Variants in NDC1 observed in about 807,000 individuals in gnomAD.
NDC1 encodes nucleoporin NDC1.
Under a neutral mutation model 89.8 loss-of-function variants are expected in NDC1, and 24 were observed. The observed-to-expected ratio is 0.27, with a 90% CI of 0.19 to 0.38. The LOEUF is 0.38. Among genes scored for constraint, NDC1 ranks in the 10% least tolerant of loss-of-function variants. The pLI is 1.00. For missense variants in NDC1, 728 were observed against 797.6 expected (o/e 0.91, Z 1.05); for synonymous variants, 296 against 284.8 (o/e 1.04, Z -0.39).
chr1:53,808,396 T>C (rs751773668), intron 7 of NDC1, among the ~76,000 whole-genome samples: 2 of 145,406 alleles, frequency 1.4e-5, no homozygotes, highest in Non-Finnish European at 2.9e-5. Context: ...TTTCTAAGTG[T>C]TGTGATTAGG....
At chr1:53,820,848 C>A (rs917244620) in intron 5 of NDC1, among the ~76,000 whole-genome samples, 2 of 151,224 alleles carry the variant, frequency 1.3e-5, no homozygotes, top group Non-Finnish European at 2.9e-5. Context: ...GTAGCTAGGA[C>A]TATAGGCACG....
At position 53,807,904 on chromosome 1, in the gene NDC1, A is replaced by G. The variant is rs571547248; in HGVS notation, c.756-113T>C. 285 of 950,762 alleles carry G rather than the reference A, an allele frequency of 3.0e-4. 6 individuals carry two copies. In the South Asian group the frequency reaches 4.7e-3, roughly 16 times the overall value. The allele number at this position is 950,762 out of a possible 1,614,324, so 58.9% of individuals were successfully genotyped here. On this transcript the variant is annotated intron_variant, in intron 7 of 17. Coordinates refer to ENST00000371429, the MANE Select transcript of NDC1 (RefSeq NM_018087.5). ...ATTATGTCTAAATAACAATGTTGAC[A>G]GACTCCTCTCCTTCGATATCTTTAT... is the stretch of plus-strand genomic sequence containing the variant.
chr1:53,784,495 A>G (rs904666963), intron 16 of NDC1, among the ~76,000 whole-genome samples: 1 of 151,940 alleles, frequency 6.6e-6, no homozygotes, highest in African/African-American at 2.4e-5. Flanking sequence ...CATCTCTACT[A>G]AAAATACACA....
chr1:53,776,705 A>C lies in NDC1; in HGVS notation c.1801-4216T>G, dbSNP rs145660776. ...TATTGGCAATTTTCTTCCCTTTACC[A>C]TGTGGACAGAAAATTTAAAAATTAT... On this transcript the variant is annotated intron_variant, in intron 16 of 17. Coordinates refer to ENST00000371429, the MANE Select transcript of NDC1 (RefSeq NM_018087.5). Among the ~76,000 whole-genome samples the C allele has an allele frequency of 4.9e-3, 749 of 152,266 alleles. 6 individuals are homozygous for C. The highest frequency in any genetic ancestry group is 8.7e-3 in the Non-Finnish European group (590 of 68,022).
intron 3 of NDC1, among the ~76,000 whole-genome samples, chr1:53,829,869 C>T (rs527960104): frequency 1.3e-5 from 2 of 152,278 alleles, no homozygotes; most frequent in African/African-American, 4.8e-5. Flanking sequence ...ATTAAGAAAG[C>T]AGGCTGAGTG....
chr1:53,811,625 A>G (rs1447531721), intron 6 of NDC1, among the ~76,000 whole-genome samples: 1 of 152,038 alleles, frequency 6.6e-6, no homozygotes, highest in Non-Finnish European at 1.5e-5. Flanking sequence ...CTGACCCAGG[A>G]GAGTCTGAGC....
At chr1:53,805,639 G>A (rs569308692) in intron 9 of NDC1, among the ~76,000 whole-genome samples, 41 of 152,238 alleles carry the variant, frequency 2.7e-4, no homozygotes, top group African/African-American at 9.6e-4. Flanking sequence ...ATTCTTGATT[G>A]TAATTAGTTT....
intron 5 of NDC1, among the ~76,000 whole-genome samples, chr1:53,822,411 T>C (rs1648703764): frequency 6.6e-6 from 1 of 152,126 alleles, no homozygotes; most frequent in South Asian, 2.1e-4. Flanking sequence ...AAACCACTTA[T>C]ATAAACCCCA....
At chr1:53,774,754 T>G (rs749098573) in intron 16 of NDC1, among the ~76,000 whole-genome samples, 49 of 152,108 alleles carry the variant, frequency 3.2e-4, no homozygotes, top group Non-Finnish European at 5.0e-4. Flanking sequence ...CTGGATGTGG[T>G]CCAATACCTG....
chr1:53,826,250 T>C (rs1223067736), intron 4 of NDC1, among the ~76,000 whole-genome samples: 4 of 152,234 alleles, frequency 2.6e-5, no homozygotes, highest in Non-Finnish European at 2.9e-5. Context: ...AAATAAGTTA[T>C]ATATACCTGA....
Position 53,832,536 on chromosome 1 carries a change from T to C in NDC1, c.234A>G (p.Ser78=). The change falls in exon 3 of 18, where the codon TCA becomes TCG. Residue 78 remains serine, a synonymous_variant. Transcript: ENST00000371429. Reference sequence around the variant, plus strand: ...AAATACTTATTATTATTATTACCACTGACAGCAGCAGGAAGTAAAAGATTA... The same window carrying C: ...AAATACTTATTATTATTATTACCACCGACAGCAGCAGGAAGTAAAAGATTA... ...SYVIFYFLLL[S]VVIIIISIFN... 1 of 1,603,342 alleles carries C rather than the reference T, an allele frequency of 6.2e-7. No individual in the cohort carries two copies. Among genetic ancestry groups the C allele is most frequent in the Non-Finnish European group, 8.5e-7 (1 of 1,170,354 alleles).
chr1:53,772,608 G>C (rs1647124861), intron 16 of NDC1, 119 bp from the exon 17 acceptor site: 1 of 795,020 alleles, frequency 1.3e-6, no homozygotes, highest in East Asian at 2.6e-5. Flanking sequence ...AGGACTGCTT[G>C]AGCCCAGGAG....
chr1:53,830,147 T>C (rs1389535131), intron 3 of NDC1, among the ~76,000 whole-genome samples: 1 of 149,582 alleles, frequency 6.7e-6, no homozygotes, highest in Non-Finnish European at 1.5e-5. Context: ...TGAGACTCCA[T>C]CTCAAAAAAA....
chr1:53,818,711 A>T (rs1557585643), intron 6 of NDC1, among the ~76,000 whole-genome samples: 1 of 152,204 alleles, frequency 6.6e-6, no homozygotes, highest in Non-Finnish European at 1.5e-5. Flanking sequence ...AATGTCCTCA[A>T]GGTTTATTCA....
intron 5 of NDC1, among the ~76,000 whole-genome samples, chr1:53,820,619 C>T (rs1296344129): frequency 2.0e-5 from 3 of 151,638 alleles, no homozygotes; most frequent in Admixed American, 6.6e-5. Context: ...AGTCTCTGCC[C>T]CTAAAATACC....
At position 53,789,185 on chromosome 1, in the gene NDC1, G is replaced by C; in HGVS notation, c.1647C>G (p.Ala549=). Residue 549 remains alanine, a synonymous_variant, in exon 15 of 18, where the codon GCC becomes GCG. Coordinates refer to ENST00000371429, the MANE Select transcript of NDC1 (RefSeq NM_018087.5). The stretch of plus-strand genomic sequence containing the variant: ...CATCTGAAAAAACAGCCTGAATGGA[G>C]GCCTCTGGGTGCTACAAATAAAAAC... ...IMYFFSKHPE[A]SIQAVFSDAQ... 1 of 1,609,512 alleles carries C rather than the reference G, an allele frequency of 6.2e-7. No individual in the cohort carries two copies. Among genetic ancestry groups the C allele is most frequent in the East Asian group, 2.2e-5 (1 of 44,750 alleles).
chr1:53,813,583 A>G (rs1648382811), intron 6 of NDC1, among the ~76,000 whole-genome samples: 1 of 152,212 alleles, frequency 6.6e-6, no homozygotes, highest in South Asian at 2.1e-4. Flanking sequence ...AAAATATCAC[A>G]ATCCTAAACA....
intron 11 of NDC1, among the ~76,000 whole-genome samples, chr1:53,799,147 T>C (rs905893562): frequency 5.9e-5 from 9 of 152,210 alleles, no homozygotes; most frequent in African/African-American, 2.2e-4. Flanking sequence ...AATCTAAACT[T>C]TTTTTGTTGC....
At chr1:53,779,240 A>T (rs933694799) in intron 16 of NDC1, among the ~76,000 whole-genome samples, 1 of 152,088 alleles carries the variant, frequency 6.6e-6, no homozygotes, top group East Asian at 1.9e-4. Context: ...CCTTACAGAG[A>T]TAATCTCATT....
Sources: allele counts gnomAD v4.1 joint callset (sites outside exome capture counted in the v4.1 genomes callset), GRCh38; gene constraint gnomAD v4.1.1; transcripts MANE v1.5; gene names NCBI Gene and HGNC (gene_info 2026-07-23, HGNC 2026-07-21).